PABPC4L: variants seen among roughly 807,000 people sequenced by gnomAD.
PABPC4L encodes the protein polyadenylate-binding protein 4-like.
For synonymous variants in PABPC4L, 169 were observed against 164.1 expected, an observed-to-expected ratio of 1.03 and a Z score of -0.23; for missense variants, 452 against 451.4, an observed-to-expected ratio of 1.00 and a Z score of -0.01.
chr4:134,164,613 A>T, the PABPC4L span, among the ~76,000 whole-genome samples: 1 of 152,212 alleles, frequency 6.6e-6, no homozygotes, highest in East Asian at 1.9e-4. Flanking sequence ...GTGTGGTAAC[A>T]TAAATCATCT....
At chr4:134,039,175 GTGGTCTGAGAGACTGTTCAT>G in the PABPC4L span, among the ~76,000 whole-genome samples, 2 of 152,106 alleles carry the variant, frequency 1.3e-5, no homozygotes, top group East Asian at 3.9e-4. Flanking sequence ...TCACTGCACT[GTGGTCTGAGAGACTGTTCAT>G]TATGATTTCC....
the PABPC4L span, among the ~76,000 whole-genome samples, chr4:134,114,149 A>C: frequency 6.6e-6 from 1 of 151,698 alleles, no homozygotes; most frequent in Non-Finnish European, 1.5e-5. Context: ...TAGGAACAAG[A>C]GGGTGGATTT....
chr4:134,030,560 T>A, the PABPC4L span, among the ~76,000 whole-genome samples: 7 of 151,558 alleles, frequency 4.6e-5, no homozygotes, highest in East Asian at 9.7e-4. Context: ...TATGCACAGA[T>A]CAGTATTTCC....
At chr4:134,185,621 A>T in the PABPC4L span, among the ~76,000 whole-genome samples, 46 of 152,036 alleles carry the variant, frequency 3.0e-4, no homozygotes, top group Admixed American at 2.6e-3. Context: ...CTTTGAAAAC[A>T]GGCACAAGAC....
At chr4:133,984,854 A>G in the PABPC4L span, among the ~76,000 whole-genome samples, 1 of 151,850 alleles carries the variant, frequency 6.6e-6, no homozygotes, top group Non-Finnish European at 1.5e-5. Context: ...GTGAGCACTC[A>G]TAGAGAAAAA....
At chr4:134,161,639 C>G in the PABPC4L span, among the ~76,000 whole-genome samples, 3 of 152,086 alleles carry the variant, frequency 2.0e-5, no homozygotes, top group African/African-American at 4.8e-5. Context: ...ATTTCATCAA[C>G]AGCAGACTTG....
the PABPC4L span, among the ~76,000 whole-genome samples, chr4:134,106,930 C>A: frequency 6.6e-6 from 1 of 151,352 alleles, no homozygotes; most frequent in Non-Finnish European, 1.5e-5. Context: ...CATGAGCATA[C>A]AGAGCATTGG....
the PABPC4L span, among the ~76,000 whole-genome samples, chr4:134,042,265 T>TG: frequency 2.6e-5 from 4 of 151,786 alleles, no homozygotes; most frequent in African/African-American, 9.7e-5. Flanking sequence ...GCATGCAGAG[T>TG]GGTACAATGG....
At chr4:134,049,921 G>A in the PABPC4L span, among the ~76,000 whole-genome samples, 1 of 152,096 alleles carries the variant, frequency 6.6e-6, no homozygotes, top group Non-Finnish European at 1.5e-5. Context: ...TGACTGCAGA[G>A]AAGTCACCCT....
the PABPC4L span, among the ~76,000 whole-genome samples, chr4:134,010,867 A>G: frequency 1.3e-5 from 2 of 152,144 alleles, no homozygotes; most frequent in Non-Finnish European, 1.5e-5. Flanking sequence ...AAATCACCCA[A>G]TCTCTGTCAC....
At chr4:134,063,957 T>C in the PABPC4L span, among the ~76,000 whole-genome samples, 1 of 152,174 alleles carries the variant, frequency 6.6e-6, no homozygotes, top group Non-Finnish European at 1.5e-5. Context: ...TATAATCATA[T>C]ATCCAAGGAC....
chr4:134,083,524 G>A, the PABPC4L span, among the ~76,000 whole-genome samples: 1 of 152,102 alleles, frequency 6.6e-6, no homozygotes, highest in Non-Finnish European at 1.5e-5. Context: ...ACCAGGCAGG[G>A]ACATTCCTGA....
At chr4:134,155,308 A>G in the PABPC4L span, among the ~76,000 whole-genome samples, 1 of 151,880 alleles carries the variant, frequency 6.6e-6, no homozygotes, top group Non-Finnish European at 1.5e-5. Flanking sequence ...TATTTTTCTT[A>G]CAAACTCTGA....
chr4:133,957,461 T>G, the PABPC4L span, among the ~76,000 whole-genome samples: 2 of 152,316 alleles, frequency 1.3e-5, no homozygotes, highest in African/African-American at 4.8e-5. Context: ...CTGGCTGCTT[T>G]CACAGGTTGG....
the PABPC4L span, among the ~76,000 whole-genome samples, chr4:133,986,669 A>T: frequency 6.6e-6 from 1 of 152,006 alleles, no homozygotes; most frequent in East Asian, 1.9e-4. Context: ...AATAATAAAC[A>T]TCTCGGGACT....
At chr4:134,087,978 C>T in the PABPC4L span, among the ~76,000 whole-genome samples, 1 of 152,034 alleles carries the variant, frequency 6.6e-6, no homozygotes, top group Non-Finnish European at 1.5e-5. Flanking sequence ...GTTGATTATA[C>T]TACCTGAGGA....
the PABPC4L span, among the ~76,000 whole-genome samples, chr4:134,169,163 CTG>C: frequency 2.0e-5 from 3 of 152,022 alleles, no homozygotes; most frequent in African/African-American, 7.2e-5. Context: ...AAATTGAAAA[CTG>C]TGAGAGATCA....
At chr4:134,102,383 T>C in the PABPC4L span, among the ~76,000 whole-genome samples, 2 of 151,534 alleles carry the variant, frequency 1.3e-5, no homozygotes, top group Non-Finnish European at 3.0e-5. Flanking sequence ...CTTGTCTGAC[T>C]ATAAGAATCA....
the PABPC4L span, among the ~76,000 whole-genome samples, chr4:134,039,895 A>G: frequency 5.3e-5 from 8 of 152,038 alleles, no homozygotes; most frequent in Non-Finnish European, 1.0e-4. Context: ...AATGTCCAAA[A>G]ATTACGAGCA....
Sources: allele counts gnomAD v4.1 joint callset (sites outside exome capture counted in the v4.1 genomes callset), GRCh38; gene constraint gnomAD v4.1.1; transcripts MANE v1.5; gene names NCBI Gene and HGNC (gene_info 2026-07-23, HGNC 2026-07-21).